Variants in CEP70 observed in about 807,000 individuals in gnomAD.
CEP70 encodes the protein centrosomal protein 70.
Under a neutral mutation model 90.9 loss-of-function variants are expected in CEP70, and 70 were observed. That is an observed-to-expected ratio of 0.77 (90% CI 0.64 to 0.94). The LOEUF is 0.94. Among genes scored for constraint, CEP70 ranks in the 40% least tolerant of loss-of-function variants. The pLI, the probability that CEP70 is intolerant of heterozygous loss-of-function variation, is 0.00. For missense variants in CEP70, 648 were observed against 669.0 expected, an observed-to-expected ratio of 0.97 and a Z score of 0.35; for synonymous variants, 220 against 228.3, an observed-to-expected ratio of 0.96 and a Z score of 0.33.
At chr3:138,558,189 AC>A (rs1404948056) in intron 6 of CEP70, among the ~76,000 whole-genome samples, 1 of 152,094 alleles carries the variant, frequency 6.6e-6, no homozygotes, top group African/African-American at 2.4e-5. Context: ...ACATGGTGAA[AC>A]CCTGTTTCCA....
chr3:138,534,699 A>G (rs574810416), intron 7 of CEP70, among the ~76,000 whole-genome samples: 13 of 152,134 alleles, frequency 8.5e-5, no homozygotes, highest in Non-Finnish European at 1.5e-4. Flanking sequence ...CTTTCTCTAT[A>G]TGGACTTTGG....
intron 11 of CEP70, among the ~76,000 whole-genome samples, chr3:138,519,750 G>A (rs527320434): frequency 3.4e-4 from 52 of 152,244 alleles, no homozygotes; most frequent in African/African-American, 1.1e-3. Context: ...AAAGACCGTC[G>A]AGGCTAGGAA....
intron 6 of CEP70, among the ~76,000 whole-genome samples, chr3:138,540,159 T>C (rs974621052): frequency 2.6e-5 from 4 of 152,000 alleles, no homozygotes; most frequent in African/African-American, 4.8e-5. Flanking sequence ...AATAGACACT[T>C]TTCAAAAGAA....
chr3:138,553,833 T>TG (rs551611550), intron 6 of CEP70, among the ~76,000 whole-genome samples: 66 of 152,254 alleles, frequency 4.3e-4, no homozygotes, highest in African/African-American at 1.5e-3. Context: ...TCAATAAATG[T>TG]GATACACCAT....
At position 138,540,183 on chromosome 3, in the gene CEP70, G is replaced by A. The variant is rs987309652; in HGVS notation, c.466-2836C>T. On this transcript the variant is annotated intron_variant, in intron 6 of 17. Coordinates refer to ENST00000264982, the MANE Select transcript of CEP70 (RefSeq NM_024491.4). ...TTTTCAAAAGAAGATTATACATGCA[G>A]CCAACAAGCATATTAAAAAAAAAAG... Among the ~76,000 whole-genome samples the A allele has an allele frequency of 5.9e-5, 9 of 151,950 alleles. 1 individual carries two copies. Among genetic ancestry groups the A allele is most frequent in the Admixed American group, 5.2e-4 (8 of 15,248 alleles).
At position 138,525,502 on chromosome 3, in the gene CEP70, T is replaced by G. The variant is rs1347555470; in HGVS notation, c.932A>C (p.Lys311Thr). Residue 311 changes from lysine (K) to threonine (T), a missense_variant, in exon 11 of 18, where the codon AAG becomes ACG. Lys to Thr is a moderately conservative substitution (Grantham distance 78). Coordinates refer to ENST00000264982, the MANE Select transcript of CEP70 (RefSeq NM_024491.4). ...QQVKKLEKAL[K>T]KNVKLQELIN... ...AAAATATAATTACTTGACGTTTTTC[T>G]TAAGGGCTTTTTCCAGCTTCTTCAC... is the stretch of plus-strand genomic sequence containing the variant. The G allele has an allele frequency of 3.6e-6, 5 of 1,406,394 alleles. No homozygotes were observed. Among genetic ancestry groups the G allele is most frequent in the Non-Finnish European group, 4.7e-6 (5 of 1,068,848 alleles). The allele number at this position is 1,406,394 out of a possible 1,614,324, so 87.1% of individuals were successfully genotyped here. A position where few individuals can be genotyped will look rare whatever the true frequency, so the allele number is the denominator to read the frequency against.
chr3:138,528,034 A>C (rs2037454100), intron 10 of CEP70, among the ~76,000 whole-genome samples: 1 of 151,036 alleles, frequency 6.6e-6, no homozygotes, highest in Non-Finnish European at 1.5e-5. Context: ...AAAAGACTGA[A>C]TCTATTTGAA....
At chr3:138,509,319 G>A (rs1326484837) in intron 11 of CEP70, among the ~76,000 whole-genome samples, 1 of 152,160 alleles carries the variant, frequency 6.6e-6, no homozygotes, top group African/African-American at 2.4e-5. Context: ...TAGACGTTTG[G>A]TCCCTCTCTC....
chr3:138,542,398 T>C (rs2038842997), intron 6 of CEP70, among the ~76,000 whole-genome samples: 2 of 152,168 alleles, frequency 1.3e-5, no homozygotes, highest in African/African-American at 4.8e-5. Flanking sequence ...GCCCTGAGGT[T>C]TGGGATCCCA....
At chr3:138,566,857 G>A (rs2040831643) in intron 6 of CEP70, among the ~76,000 whole-genome samples, 1 of 151,600 alleles carries the variant, frequency 6.6e-6, no homozygotes, top group Admixed American at 6.6e-5. Context: ...ATATGACTCA[G>A]GAATTCTAAT....
intron 11 of CEP70, among the ~76,000 whole-genome samples, chr3:138,523,838 T>C (rs1368420843): frequency 2.0e-5 from 3 of 152,114 alleles, no homozygotes; most frequent in Admixed American, 2.0e-4. Context: ...CCCATCAAGC[T>C]ACCACTGACT....
At chr3:138,546,059 T>C (rs898966873) in intron 6 of CEP70, among the ~76,000 whole-genome samples, 8 of 152,144 alleles carry the variant, frequency 5.3e-5, no homozygotes, top group African/African-American at 1.9e-4. Context: ...CTACTCCCTG[T>C]TCATACACCC....
chr3:138,554,379 T>C (rs1211329163), intron 6 of CEP70, among the ~76,000 whole-genome samples: 1 of 152,090 alleles, frequency 6.6e-6, no homozygotes, highest in African/African-American at 2.4e-5. Flanking sequence ...GGATGCCTAC[T>C]CTCACCACTT....
chr3:138,496,353 T>A (rs1021514825), intron 17 of CEP70: 92 of 985,354 alleles, frequency 9.3e-5, no homozygotes, highest in Non-Finnish European at 1.0e-4. Flanking sequence ...AATACTTGTC[T>A]GAACCCACTA....
chr3:138,517,524 C>T (rs2036148945), intron 11 of CEP70, among the ~76,000 whole-genome samples: 1 of 152,078 alleles, frequency 6.6e-6, no homozygotes, highest in Non-Finnish European at 1.5e-5. Context: ...AAAAAATTAG[C>T]CAGGGGTGGT....
chr3:138,566,638 C>T (rs2040811381), intron 6 of CEP70, among the ~76,000 whole-genome samples: 1 of 151,794 alleles, frequency 6.6e-6, no homozygotes, highest in African/African-American at 2.4e-5. Context: ...GCAAGGGGAA[C>T]ATCACACACT....
At position 138,535,725 on chromosome 3, in the gene CEP70, T is replaced by A. The variant is rs377511341; in HGVS notation, c.635+1453A>T. Among the ~76,000 whole-genome samples, 10 of 152,280 alleles carry A rather than the reference T, an allele frequency of 6.6e-5. No homozygotes were observed. The East Asian group carries it at 1.9e-3, about 29-fold the overall frequency. On this transcript the variant is annotated intron_variant, in intron 7 of 17. Transcript: ENST00000264982. ...TCTGGTACATTGCAAGTTCTCTCAGTGCTTCTCTCACCCTCTTACCCAGTC... is the reference window on the plus strand; with the variant it reads ...TCTGGTACATTGCAAGTTCTCTCAGAGCTTCTCTCACCCTCTTACCCAGTC...
chr3:138,521,826 G>A (rs373585959), intron 11 of CEP70, among the ~76,000 whole-genome samples: 20 of 152,338 alleles, frequency 1.3e-4, no homozygotes, highest in African/African-American at 4.1e-4. Flanking sequence ...TGACGATGGC[G>A]GTTTTGTCAA....
chr3:138,562,612 A>C (rs1481409142), intron 6 of CEP70, among the ~76,000 whole-genome samples: 1 of 152,234 alleles, frequency 6.6e-6, no homozygotes, highest in African/African-American at 2.4e-5. Flanking sequence ...ACTAAGCTTC[A>C]TAAGTGAAGG....
Sources: allele counts gnomAD v4.1 joint callset (sites outside exome capture counted in the v4.1 genomes callset), GRCh38; gene constraint gnomAD v4.1.1; transcripts MANE v1.5; gene names NCBI Gene and HGNC (gene_info 2026-07-23, HGNC 2026-07-21).